CRHBP: variants seen among roughly 807,000 people sequenced by gnomAD.
CRHBP encodes corticotropin releasing hormone binding protein.
CRHBP carries 19 observed loss-of-function variants against 34.9 expected under a neutral mutation model. The observed-to-expected ratio is 0.55, with a 90% CI of 0.38 to 0.80. CRHBP has a LOEUF of 0.80. Among genes scored for constraint, CRHBP ranks in the 30% least tolerant of loss-of-function variants. The pLI, the probability that CRHBP is intolerant of heterozygous loss-of-function variation, is 0.00. For synonymous variants in CRHBP, 154 were observed against 153.4 expected, an observed-to-expected ratio of 1.00 and a Z score of -0.03; for missense variants, 328 against 409.2, an observed-to-expected ratio of 0.80 and a Z score of 1.71.
At chr5:76,975,100 T>A (rs988462709) in intron 2 of CRHBP, among the ~76,000 whole-genome samples, 6 of 152,222 alleles carry the variant, frequency 3.9e-5, no homozygotes, top group Non-Finnish European at 8.8e-5. Flanking sequence ...GTTCCTAGTA[T>A]GAAAATGCAA....
At chr5:76,962,883 T>G (rs775107114) in intron 5 of CRHBP, among the ~76,000 whole-genome samples, 20 of 152,092 alleles carry the variant, frequency 1.3e-4, no homozygotes, top group Non-Finnish European at 2.4e-4. Context: ...AGAAAAGAGA[T>G]GAGGTGAAGG....
chr5:76,963,444 C>T lies in CRHBP; in HGVS notation c.795C>T (p.Tyr265=). 6.2e-7 allele frequency: 1 copy of T among 1,613,644 alleles called. No individual in the cohort carries two copies. Residue 265 remains tyrosine (Y), a synonymous_variant, in exon 6 of 7, where the codon TAC becomes TAT. Coordinates refer to ENST00000274368, the MANE Select transcript of CRHBP (RefSeq NM_001882.4). ...SKMTPLADLC[Y]PFHGPAQMKV... is the part of the protein sequence containing the mutation. The stretch of plus-strand genomic sequence containing the variant: ...TGACGCCTTTAGCTGATCTCTGCTA[C>T]CCCTTTCATGGCCCGGGTGAGGTAT...
chr5:76,967,780 C>T (rs148678179), intron 6 of CRHBP, among the ~76,000 whole-genome samples: 62 of 151,498 alleles, frequency 4.1e-4, no homozygotes, highest in African/African-American at 1.4e-3. Flanking sequence ...CCCACCACAA[C>T]CACTGCCTCC....
In CRHBP at chr5:76,955,813, A is replaced by G. The variant is rs1745659766; in HGVS notation, c.494A>G (p.Glu165Gly). The G allele has an allele frequency of 1.9e-6, 3 of 1,614,108 alleles. No homozygotes were observed. Among genetic ancestry groups the G allele is most frequent in the African/African-American group, 2.7e-5 (2 of 74,932 alleles). Reference sequence around the variant, plus strand: ...GCCATGATCTTCTTCCGAGTCCATGAACCAGGAAATGGATTCACATTAACC... The same window carrying G: ...GCCATGATCTTCTTCCGAGTCCATGGACCAGGAAATGGATTCACATTAACC... ...NVAMIFFRVHEPGNGFTLTIK... is the reference protein window; with the variant it reads ...NVAMIFFRVHGPGNGFTLTIK... Residue 165 changes from glutamate (E) to glycine (G), a missense_variant, in exon 4 of 7, where the codon GAA becomes GGA. Physicochemically the swap from Glu to Gly is moderately conservative, Grantham distance 98. Around this residue, in one of 3 missense-constraint regions of CRHBP, gnomAD observed 144 missense variants for 216.7 expected, o/e 0.66. Coordinates refer to ENST00000274368, the MANE Select transcript of CRHBP (RefSeq NM_001882.4).
At chr5:76,977,054 A>G (rs114309856) in intron 3 of CRHBP, among the ~76,000 whole-genome samples, 2,851 of 152,242 alleles carry the variant, frequency 0.019, 100 homozygotes, top group African/African-American at 0.063. Context: ...GGCCTTTCCA[A>G]TGAAAAACAA....
intron 6 of CRHBP, among the ~76,000 whole-genome samples, chr5:76,968,371 G>A (rs1340482873): frequency 6.6e-6 from 1 of 151,878 alleles, no homozygotes; most frequent in African/African-American, 2.4e-5. Context: ...CCCTGAACCC[G>A]AGCAACTGTG....
chr5:76,975,825 A>AATATATATATATATATATATATAT (rs1217039736), intron 2 of CRHBP, among the ~76,000 whole-genome samples: 5 of 61,792 alleles, frequency 8.1e-5, no homozygotes, highest in African/African-American at 2.7e-4. Context: ...AAAAAAAAAA[A>AATATATATATATATATATATATAT]ATATATATAT....
intron 1 of CRHBP, 39 bp downstream of exon 1, chr5:76,953,254 C>G: frequency 6.3e-7 from 1 of 1,589,854 alleles, no homozygotes; most frequent in Admixed American, 1.7e-5. Context: ...ACCTTCCTTG[C>G]GTGTTAGCCC....
At chr5:76,961,278 G>GT (rs1402143895) in intron 5 of CRHBP, among the ~76,000 whole-genome samples, 2 of 152,110 alleles carry the variant, frequency 1.3e-5, no homozygotes, top group Non-Finnish European at 2.9e-5. Flanking sequence ...TAACTTTCTT[G>GT]TTTCTTTGTT....
intron 4 of CRHBP, among the ~76,000 whole-genome samples, chr5:76,956,931 A>G (rs1223414573): frequency 2.0e-5 from 3 of 152,212 alleles, no homozygotes; most frequent in African/African-American, 7.2e-5. Context: ...TAGTTCTGAA[A>G]AAACAAAAGA....
At chr5:76,975,825 A>AAAAAAAAAAAAAAAAATATATATATATAT in intron 2 of CRHBP, among the ~76,000 whole-genome samples, 1 of 61,858 alleles carries the variant, frequency 1.6e-5, no homozygotes. Flanking sequence ...AAAAAAAAAA[A>AAAAAAAAAAAAAAAAATATATATATATAT]ATATATATAT....
chr5:76,960,614 T>A (rs1159138734), intron 5 of CRHBP, among the ~76,000 whole-genome samples: 1 of 152,200 alleles, frequency 6.6e-6, no homozygotes, highest in African/African-American at 2.4e-5. Context: ...CTATCAAGAT[T>A]ATTTTCTTAA....
intron 5 of CRHBP, among the ~76,000 whole-genome samples, chr5:76,961,293 T>A (rs1288662639): frequency 6.6e-6 from 1 of 152,198 alleles, no homozygotes; most frequent in Non-Finnish European, 1.5e-5. Context: ...TTTGTTTTGT[T>A]CCCCTCACTT....
intron 6 of CRHBP, among the ~76,000 whole-genome samples, chr5:76,966,375 G>A (rs1025813539): frequency 3.3e-5 from 5 of 152,172 alleles, no homozygotes; most frequent in African/African-American, 1.2e-4. Flanking sequence ...GGTAAAGGCT[G>A]AGGTGAATTG....
Position 76,968,951 on chromosome 5 carries a change from T to C in CRHBP, c.*66T>C. ...TTTTTAATGGCCATTGTGTATGATT[T>C]TGATGCACAACTAGTTAAAAGCCTT... On this transcript the variant is annotated 3_prime_UTR_variant, in exon 7 of 7. Transcript: ENST00000274368. The C allele has an allele frequency of 3.2e-6, 5 of 1,559,468 alleles. No individual in the cohort carries two copies. The highest frequency in any genetic ancestry group is 1.2e-5 in the South Asian group (1 of 84,516).
At chr5:76,961,673 G>C (rs1028139858) in intron 5 of CRHBP, among the ~76,000 whole-genome samples, 3 of 152,172 alleles carry the variant, frequency 2.0e-5, no homozygotes, top group Non-Finnish European at 4.4e-5. Flanking sequence ...TAGTGAAGCA[G>C]TTGCCATTAT....
At chr5:76,961,784 C>T (rs755102507) in intron 5 of CRHBP, among the ~76,000 whole-genome samples, 6 of 152,108 alleles carry the variant, frequency 3.9e-5, no homozygotes, top group Non-Finnish European at 8.8e-5. Context: ...GACAGAGTCT[C>T]ACTCTGTCGC....
At chr5:76,964,911 G>A (rs1745837766) in intron 6 of CRHBP, among the ~76,000 whole-genome samples, 1 of 151,822 alleles carries the variant, frequency 6.6e-6, no homozygotes, top group Admixed American at 6.6e-5. Context: ...TGAACTTTGG[G>A]AGGCTGACGC....
chr5:76,963,083 CT>C lies in CRHBP; in HGVS notation c.694-258del, dbSNP rs1425854736. Among the ~76,000 whole-genome samples the C allele has an allele frequency of 2.0e-5, 3 of 151,680 alleles. No homozygotes were observed. The East Asian group carries it at 5.8e-4, about 29-fold the overall frequency. On this transcript the variant is annotated intron_variant, in intron 5 of 6. Coordinates refer to ENST00000274368, the MANE Select transcript of CRHBP (RefSeq NM_001882.4). ...AGATTTCCATTTTATCATTCCAGTC[CT>C]TGAGCTTAAAAAAAATGAAAAAAAC...
Sources: gnomAD v4.1 joint callset for allele counts (sites outside exome capture counted in the v4.1 genomes callset) on GRCh38, gnomAD v4.1.1 for gene constraint, gnomAD v4.1.1 regional missense constraint, MANE v1.5 for transcripts, NCBI Gene and HGNC (gene_info 2026-07-23, HGNC 2026-07-21) for gene names.